BCKDHB: variants seen among roughly 807,000 people sequenced by gnomAD.
BCKDHB encodes branched chain keto acid dehydrogenase E1 subunit beta.
A neutral mutation model predicts 48.5 loss-of-function variants in BCKDHB; 41 were observed. The observed-to-expected ratio is 0.85, with a 90% CI of 0.66 to 1.10. The LOEUF is 1.10. BCKDHB is among the 50% of genes least tolerant of loss of function. The pLI is 0.00. For missense variants in BCKDHB, 496 were observed against 494.2 expected (o/e 1.00, Z -0.03); for synonymous variants, 201 against 174.8 (o/e 1.15, Z -1.18).
chr6:80,454,110 G>T, the BCKDHB span: 3 of 152,154 alleles, frequency 2.0e-5, no homozygotes, highest in Non-Finnish European at 4.4e-5. Flanking sequence ...CTTTTTGAAG[G>T]GTGGCTTTGA....
chr6:80,348,866 G>T (rs1458737263), downstream of BCKDHB, among the ~76,000 whole-genome samples: 1 of 152,120 alleles, frequency 6.6e-6, no homozygotes, highest in African/African-American at 2.4e-5. Flanking sequence ...TTCATATATG[G>T]TTAAAGATTT....
chr6:80,191,710 A>G (rs1450400722), intron 6 of BCKDHB, among the ~76,000 whole-genome samples: 2 of 152,176 alleles, frequency 1.3e-5, no homozygotes, highest in Non-Finnish European at 2.9e-5. Context: ...CAGAGACACC[A>G]GAGAAGGTGT....
At chr6:80,293,128 C>G (rs541271876) in intron 9 of BCKDHB, among the ~76,000 whole-genome samples, 1 of 152,270 alleles carries the variant, frequency 6.6e-6, no homozygotes, top group South Asian at 2.1e-4. Context: ...AGGACGGTGG[C>G]CCTCTTCGCA....
the BCKDHB span, among the ~76,000 whole-genome samples, chr6:80,358,073 T>A: frequency 4.6e-5 from 7 of 152,174 alleles, no homozygotes; most frequent in African/African-American, 1.7e-4. Context: ...AATAGGCCAT[T>A]GCTTAATTTT....
chr6:80,217,734 G>A, intron 8 of BCKDHB, among the ~76,000 whole-genome samples: 1 of 152,048 alleles, frequency 6.6e-6, no homozygotes, highest in African/African-American at 2.4e-5. Flanking sequence ...CTGCTATAAT[G>A]GAGTATATAC....
chr6:80,416,961 C>A, the BCKDHB span, among the ~76,000 whole-genome samples: 1 of 151,942 alleles, frequency 6.6e-6, no homozygotes, highest in Non-Finnish European at 1.5e-5. Flanking sequence ...GTGTTAAAAT[C>A]TCCCGCTGTC....
the BCKDHB span, among the ~76,000 whole-genome samples, chr6:80,441,897 C>T: frequency 1.3e-5 from 2 of 152,014 alleles, no homozygotes; most frequent in Admixed American, 6.6e-5. Flanking sequence ...AATAGGAGAG[C>T]TTAATATTAA....
chr6:80,288,145 TA>T (rs2127981624), intron 9 of BCKDHB, among the ~76,000 whole-genome samples: 1 of 152,234 alleles, frequency 6.6e-6, no homozygotes, highest in East Asian at 1.9e-4. Context: ...AAAATGAAGA[TA>T]AAATATAATT....
intron 1 of BCKDHB, among the ~76,000 whole-genome samples, chr6:80,107,920 C>T (rs906662129): frequency 6.6e-6 from 1 of 152,050 alleles, no homozygotes; most frequent in Non-Finnish European, 1.5e-5. Context: ...TGTATTGCTT[C>T]CTTGTCTAAT....
At chr6:80,464,240 G>A in the BCKDHB span, among the ~76,000 whole-genome samples, 2 of 152,060 alleles carry the variant, frequency 1.3e-5, no homozygotes, top group South Asian at 4.2e-4. Flanking sequence ...TGATTCTCCT[G>A]CCTCGGCCTC....
chr6:80,463,730 A>T, the BCKDHB span, among the ~76,000 whole-genome samples: 9,310 of 152,238 alleles, frequency 0.061, 888 homozygotes, highest in African/African-American at 0.21. Flanking sequence ...ACCCATAAGC[A>T]TCTATTATAT....
intron 3 of BCKDHB, among the ~76,000 whole-genome samples, chr6:80,157,459 ATT>A (rs36063034): frequency 5.1e-4 from 49 of 96,742 alleles, no homozygotes; most frequent in African/African-American, 1.7e-3. Flanking sequence ...TTGGGTGAGA[ATT>A]TTTTTTTTTT....
chr6:80,308,829 G>A (rs961698635), intron 9 of BCKDHB, among the ~76,000 whole-genome samples: 20 of 151,710 alleles, frequency 1.3e-4, no homozygotes, highest in African/African-American at 4.3e-4. Flanking sequence ...TCATCTGCCC[G>A]CCTTGGCCTC....
At chr6:80,118,523 T>TAA (rs899385167) in intron 1 of BCKDHB, among the ~76,000 whole-genome samples, 39 of 143,848 alleles carry the variant, frequency 2.7e-4, no homozygotes, top group African/African-American at 8.9e-4. Flanking sequence ...GCAACTTCAT[T>TAA]AAAAAAAAAA....
intron 7 of BCKDHB, 126 bp downstream of exon 7, chr6:80,201,157 G>A: frequency 1.3e-6 from 1 of 790,140 alleles, no homozygotes; most frequent in East Asian, 2.7e-5. Flanking sequence ...TGGTGCTACT[G>A]ATGCTAATTT....
At chr6:80,361,036 A>G in the BCKDHB span, among the ~76,000 whole-genome samples, 1 of 151,848 alleles carries the variant, frequency 6.6e-6, no homozygotes, top group Non-Finnish European at 1.5e-5. Context: ...ATGAAAAAAA[A>G]TTAGAAAGTT....
chr6:80,210,706 T>G (rs1324119), intron 8 of BCKDHB, among the ~76,000 whole-genome samples: 28,653 of 152,016 alleles, frequency 0.19, 3,470 homozygotes, highest in South Asian at 0.34. Context: ...GCCAGGAAGA[T>G]TTTCCTTTTA....
the BCKDHB span, among the ~76,000 whole-genome samples, chr6:80,378,886 A>T: frequency 6.6e-6 from 1 of 152,044 alleles, no homozygotes; most frequent in Non-Finnish European, 1.5e-5. Flanking sequence ...ATGGTTAGTG[A>T]TGTTCAGGAT....
chr6:80,435,955 G>T, the BCKDHB span, among the ~76,000 whole-genome samples: 1 of 152,090 alleles, frequency 6.6e-6, no homozygotes, highest in Admixed American at 6.5e-5. Flanking sequence ...ATCGCTTGAA[G>T]CCAGGAGGCG....
Sources: gnomAD v4.1 joint callset for allele counts (sites outside exome capture counted in the v4.1 genomes callset) on GRCh38, gnomAD v4.1.1 for gene constraint, MANE v1.5 for transcripts, NCBI Gene and HGNC (gene_info 2026-07-23, HGNC 2026-07-21) for gene names.